Variants in OLA1 observed in about 807,000 individuals in gnomAD.
OLA1 encodes the protein Obg like ATPase 1, also known as obg-like ATPase 1.
Under a neutral mutation model 48.4 loss-of-function variants are expected in OLA1, and 14 were observed. The ratio of observed to expected loss-of-function variants is 0.29; its 90% CI spans 0.19 to 0.45. The LOEUF is 0.45. Among genes scored for constraint, OLA1 ranks in the 20% least tolerant of loss-of-function variants. OLA1 has a pLI of 1.00. For missense variants in OLA1, 325 were observed against 467.1 expected, an observed-to-expected ratio of 0.70 and a Z score of 2.80; for synonymous variants, 127 against 150.4, an observed-to-expected ratio of 0.84 and a Z score of 1.14.
At chr2:174,217,237 T>C (rs1028481973) in intron 4 of OLA1, among the ~76,000 whole-genome samples, 5 of 152,060 alleles carry the variant, frequency 3.3e-5, no homozygotes, top group Non-Finnish European at 5.9e-5. Flanking sequence ...TCCTTTCAAT[T>C]TTTTTTTCTA....
intron 1 of OLA1, 127 bp downstream of exon 1, chr2:174,248,325 C>G (rs1689177354): frequency 6.5e-6 from 1 of 153,360 alleles, no homozygotes; most frequent in African/African-American, 2.4e-5. Flanking sequence ...CACACATCCC[C>G]AAGCCACCCG....
chr2:174,144,947 A>ATATATATATATATAT (rs1553483385), intron 4 of OLA1, among the ~76,000 whole-genome samples: 2 of 64,810 alleles, frequency 3.1e-5, no homozygotes, highest in East Asian at 1.6e-3. Context: ...AAAAAAAAAA[A>ATATATATATATATAT]AAAAATATAT....
chr2:174,150,674 G>C (rs1450948443), intron 4 of OLA1, among the ~76,000 whole-genome samples: 1 of 152,134 alleles, frequency 6.6e-6, no homozygotes, highest in Non-Finnish European at 1.5e-5. Flanking sequence ...AATATGCCTT[G>C]TTAAATATAA....
chr2:174,205,143 C>G (rs558807067), intron 4 of OLA1, among the ~76,000 whole-genome samples: 26 of 152,260 alleles, frequency 1.7e-4, no homozygotes, highest in Non-Finnish European at 2.4e-4. Context: ...AAGTCATCAA[C>G]CCCTGGTATA....
chr2:174,237,803 C>T (rs906420040), intron 2 of OLA1, among the ~76,000 whole-genome samples: 2 of 152,156 alleles, frequency 1.3e-5, no homozygotes, highest in Non-Finnish European at 2.9e-5. Context: ...AAGCCAGTAA[C>T]TGTCATTTAT....
chr2:174,173,879 T>C (rs1374515785), intron 4 of OLA1, among the ~76,000 whole-genome samples: 1 of 151,948 alleles, frequency 6.6e-6, no homozygotes, highest in African/African-American at 2.4e-5. Flanking sequence ...GCCCAATAAA[T>C]TTGACAGCTT....
chr2:174,145,807 C>T (rs1686582653), intron 4 of OLA1, among the ~76,000 whole-genome samples: 2 of 152,132 alleles, frequency 1.3e-5, no homozygotes, highest in African/African-American at 4.8e-5. Context: ...TAACTCCTAT[C>T]AAGAGAAATG....
chr2:174,245,675 C>G (rs1689111338), intron 2 of OLA1, among the ~76,000 whole-genome samples: 1 of 152,156 alleles, frequency 6.6e-6, no homozygotes, highest in African/African-American at 2.4e-5. Flanking sequence ...AGGCAGATCA[C>G]CTGAGGTCAG....
intron 3 of OLA1, among the ~76,000 whole-genome samples, chr2:174,227,630 G>A (rs1321946678): frequency 1.3e-5 from 2 of 152,164 alleles, no homozygotes; most frequent in East Asian, 3.8e-4. Flanking sequence ...GGACACTGAA[G>A]TCAGCCTGAA....
chr2:174,217,235 A>AT (rs1308423665), intron 4 of OLA1, among the ~76,000 whole-genome samples: 3 of 151,110 alleles, frequency 2.0e-5, no homozygotes, highest in Admixed American at 6.6e-5. Flanking sequence ...TTTCCTTTCA[A>AT]TTTTTTTTTC....
chr2:174,110,630 A>C (rs1357674348), intron 7 of OLA1, among the ~76,000 whole-genome samples: 1 of 151,988 alleles, frequency 6.6e-6, no homozygotes, highest in Non-Finnish European at 1.5e-5. Flanking sequence ...TAATTTCTGT[A>C]GAGGCAGGGT....
At chr2:174,154,145 A>G (rs1420269224) in intron 4 of OLA1, among the ~76,000 whole-genome samples, 1 of 152,216 alleles carries the variant, frequency 6.6e-6, no homozygotes, top group Non-Finnish European at 1.5e-5. Context: ...TGCTGGGATT[A>G]CACGTGAGCT....
chr2:174,217,643 A>G (rs1268800485), intron 4 of OLA1, among the ~76,000 whole-genome samples: 1 of 152,172 alleles, frequency 6.6e-6, no homozygotes, highest in African/African-American at 2.4e-5. Context: ...GATTATGAGC[A>G]TATCCACCAC....
In OLA1 at chr2:174,073,627, TACC is replaced by T. The variant is rs1684657582; in HGVS notation, c.*1796_*1798del. On this transcript the variant is annotated 3_prime_UTR_variant, in exon 11 of 11. Transcript: ENST00000284719. ...TGGTTCTGTTGCACAATGTGCAATT[TACC>T]ACATTAGAAGCTAGACAAAGTAAAA... 6.6e-6 allele frequency: 1 copy of T among 152,244 alleles called. No individual in the cohort carries two copies. The highest frequency in any genetic ancestry group is 2.1e-4 in the South Asian group (1 of 4,836). 9.4% of individuals were successfully genotyped at this position (152,244 alleles called of 1,614,324 possible). A position where few individuals can be genotyped will look rare whatever the true frequency, so the allele number is the denominator to read the frequency against.
At chr2:174,231,967 C>T (rs1460375111) in intron 2 of OLA1, among the ~76,000 whole-genome samples, 1 of 152,060 alleles carries the variant, frequency 6.6e-6, no homozygotes, top group Non-Finnish European at 1.5e-5. Flanking sequence ...ACTTTTTAAA[C>T]ACACACACAC....
At chr2:174,191,536 C>G (rs1687777789) in intron 4 of OLA1, among the ~76,000 whole-genome samples, 1 of 151,924 alleles carries the variant, frequency 6.6e-6, no homozygotes, top group Non-Finnish European at 1.5e-5. Context: ...CTCACTGCAG[C>G]CTTGAACTAC....
intron 4 of OLA1, among the ~76,000 whole-genome samples, chr2:174,142,967 T>C (rs958301482): frequency 8.5e-5 from 13 of 152,182 alleles, no homozygotes; most frequent in African/African-American, 3.1e-4. Flanking sequence ...AAAGTATCAA[T>C]TATTTTAGAC....
chr2:174,219,376 A>G (rs1202069097), intron 4 of OLA1, among the ~76,000 whole-genome samples: 2 of 151,024 alleles, frequency 1.3e-5, no homozygotes, highest in African/African-American at 2.4e-5. Flanking sequence ...ATAGTTTTAT[A>G]CAAAATGAAA....
chr2:174,238,875 A>G (rs1475659185), intron 2 of OLA1, among the ~76,000 whole-genome samples: 2 of 152,178 alleles, frequency 1.3e-5, no homozygotes, highest in Non-Finnish European at 2.9e-5. Flanking sequence ...GCACTCAAAA[A>G]ATAAAGAGGA....
Sources: gnomAD v4.1 joint callset for allele counts (sites outside exome capture counted in the v4.1 genomes callset) on GRCh38, gnomAD v4.1.1 for gene constraint, MANE v1.5 for transcripts, NCBI Gene and HGNC (gene_info 2026-07-23, HGNC 2026-07-21) for gene names.